The following KLHL30 variants were observed in gnomAD, a reference collection of about 807,000 sequenced individuals.
KLHL30 encodes kelch like family member 30, also known as kelch-like protein 30.
A neutral mutation model predicts 55.0 loss-of-function variants in KLHL30; 55 were observed. That is an observed-to-expected ratio of 1.00 (90% CI 0.80 to 1.25). The LOEUF is 1.25. Ranked by LOEUF, KLHL30 falls within the 50% of genes most tolerant of loss-of-function variation. KLHL30 has a pLI of 0.00. For missense variants in KLHL30, 786 were observed against 811.6 expected (o/e 0.97, Z 0.38); for synonymous variants, 356 against 372.6 (o/e 0.96, Z 0.51).
chr2:238,144,402 G>GGAAGGAAGGAAGGAAGGAAGGAAGGAAT (rs1559275849), intron 3 of KLHL30, among the ~76,000 whole-genome samples: 7 of 114,512 alleles, frequency 6.1e-5, no homozygotes, highest in East Asian at 2.7e-4. Flanking sequence ...AAGGAAGGAA[G>GGAAGGAAGGAAGGAAGGAAGGAAGGAAT]GAAGGAAGGA....
chr2:238,144,133 C>G (rs1339044676), intron 3 of KLHL30, among the ~76,000 whole-genome samples: 2 of 152,176 alleles, frequency 1.3e-5, no homozygotes. Context: ...ATTGCTCTGC[C>G]CCACGACCCT....
At position 238,140,777 on chromosome 2, in the gene KLHL30, T is replaced by C; in HGVS notation, c.23T>C (p.Leu8Pro). The stretch of plus-strand genomic sequence containing the variant: ...GTCATGGTGCGGAACGTGGATGACC[T>C]GGATTTCCACCTGCCCTCGCATGCC... The part of the protein sequence containing the change: MVRNVDD[L>P]DFHLPSHAQD... Residue 8 changes from leucine to proline, a missense_variant, in exon 2 of 8, where the codon CTG becomes CCG. Transcript: ENST00000409223. 4 of 1,554,518 alleles carry C rather than the reference T, an allele frequency of 2.6e-6. No homozygotes were observed. The highest frequency in any genetic ancestry group is 3.5e-6 in the Non-Finnish European group (4 of 1,145,470).
intron 3 of KLHL30, among the ~76,000 whole-genome samples, chr2:238,143,914 G>A (rs77347847): frequency 0.014 from 2,093 of 152,292 alleles, 34 homozygotes; most frequent in East Asian, 0.085. Context: ...CTGGAATTCC[G>A]CATCTCCCAA....
intron 1 of KLHL30, among the ~76,000 whole-genome samples, chr2:238,139,953 G>A (rs574945905): frequency 1.3e-5 from 2 of 152,344 alleles, no homozygotes; most frequent in South Asian, 2.1e-4. Context: ...GTGGTGACGC[G>A]AAACCCTCCA....
At chr2:238,143,894 C>G (rs1692585764) in intron 3 of KLHL30, among the ~76,000 whole-genome samples, 4 of 152,212 alleles carry the variant, frequency 2.6e-5, no homozygotes, top group Non-Finnish European at 5.9e-5. Context: ...GGCTCTGCTC[C>G]CAGGGAGGCC....
In KLHL30 at chr2:238,145,720, GGCC is replaced by G; in HGVS notation, c.1039_1041del (p.Ala347del). On this transcript the variant is annotated inframe_deletion, in exon 5 of 8. Transcript: ENST00000409223. ...AGACAGACACCTGGTCAACCACCCA[GGCC>G]TGGTGCTTCCCCCTGAAGGAGGCCT... The G allele has an allele frequency of 5.0e-6, 8 of 1,590,990 alleles. No homozygotes were observed. Among genetic ancestry groups the G allele is most frequent in the Non-Finnish European group, 6.8e-6 (8 of 1,170,204 alleles).
At position 238,150,849 on chromosome 2, in the gene KLHL30, G is replaced by C. The variant is rs563172825; in HGVS notation, c.1521G>C (p.Ala507=). ...AGCACAGCCTGCATGAGAATGGCGC[G>C]CTGGTGCCACTGGGTGATGCGCTGT... The part of the protein sequence containing the change: ...QSQHSLHENG[A]LVPLGDALYV... The change falls in exon 8 of 8, where the codon GCG becomes GCC. Residue 507 remains alanine, a synonymous_variant. Transcript: ENST00000409223. 3 of 1,592,466 alleles carry C rather than the reference G, an allele frequency of 1.9e-6. No individual in the cohort carries two copies. The highest frequency in any genetic ancestry group is 2.6e-6 in the Non-Finnish European group (3 of 1,171,094).
intron 3 of KLHL30, 44 bp downstream of exon 3, chr2:238,142,975 T>A: frequency 6.7e-7 from 1 of 1,489,414 alleles, no homozygotes. Context: ...TGTCTCTCTG[T>A]CCCAGCGGGA....
intron 1 of KLHL30, among the ~76,000 whole-genome samples, chr2:238,140,317 C>T (rs1056326841): frequency 5.1e-4 from 78 of 152,310 alleles, no homozygotes; most frequent in African/African-American, 1.7e-3. Flanking sequence ...GGACGGAGGA[C>T]GCCTCCCGGG....
intron 5 of KLHL30, 41 bp downstream of exon 5, chr2:238,145,873 A>T (rs1203891713): frequency 6.5e-7 from 1 of 1,536,534 alleles, no homozygotes. Context: ...GCCTGGTTCT[A>T]GCCTCTCATC....
Position 238,150,978 on chromosome 2 carries a change from C to T in KLHL30, c.1650C>T (p.Pro550=). The change falls in exon 8 of 8, where the codon CCC becomes CCT. Residue 550 remains proline (P), a synonymous_variant. Transcript: ENST00000409223. ...RDTWTRHGAL[P]RLWLYHGAST... ...CCTGGACCCGCCACGGCGCCCTGCC[C>T]CGGCTCTGGCTCTACCACGGGGCCT... is the stretch of plus-strand genomic sequence containing the variant. The T allele has an allele frequency of 6.3e-7, 1 of 1,590,610 alleles. No individual in the cohort carries two copies. Among genetic ancestry groups the T allele is most frequent in the South Asian group, 1.1e-5 (1 of 87,304 alleles).
In KLHL30 at chr2:238,151,887, G is replaced by A. The variant is rs1346621162; in HGVS notation, c.*822G>A. On this transcript the variant is annotated 3_prime_UTR_variant, in exon 8 of 8. Transcript: ENST00000409223. ...AGAATGGAATTTCCCACCAGGGGAC[G>A]ACTCTTGGGTGCATTGGTGGCAGCC... 3 of 985,470 alleles carry A rather than the reference G, an allele frequency of 3.0e-6. No homozygotes were observed. Among genetic ancestry groups the A allele is most frequent in the East Asian group, 1.1e-4 (1 of 8,818 alleles). The allele number at this position is 985,470 out of a possible 1,614,324, so 61.0% of individuals were successfully genotyped here.
At chr2:238,144,123 A>T (rs983410973) in intron 3 of KLHL30, among the ~76,000 whole-genome samples, 1 of 152,186 alleles carries the variant, frequency 6.6e-6, no homozygotes, top group African/African-American at 2.4e-5. Flanking sequence ...ACTTGGGCAC[A>T]TTGCTCTGCC....
At chr2:238,139,525 C>T (rs975658194) in intron 1 of KLHL30, among the ~76,000 whole-genome samples, 2 of 152,138 alleles carry the variant, frequency 1.3e-5, no homozygotes, top group Admixed American at 6.5e-5. Context: ...TGTGGGCTCC[C>T]AGGTGCTTCC....
intron 1 of KLHL30, among the ~76,000 whole-genome samples, chr2:238,139,537 C>T (rs138460228): frequency 3.9e-5 from 6 of 152,280 alleles, no homozygotes; most frequent in Admixed American, 6.5e-5. Flanking sequence ...GGTGCTTCCC[C>T]GCTCTGGGGT....
Position 238,140,944 on chromosome 2 carries a change from G to C in KLHL30, c.190G>C (p.Gly64Arg), listed in dbSNP as rs768961406. 1 of 1,611,676 alleles carries C rather than the reference G, an allele frequency of 6.2e-7. No homozygotes were observed. Residue 64 changes from glycine to arginine, a missense_variant, in exon 2 of 8, where the codon GGT (glycine) becomes CGT (arginine). Transcript: ENST00000409223. ...SSPYFHAMFAGDFAESFSARV... is the reference protein window; with the variant it reads ...SSPYFHAMFARDFAESFSARV... ...CCCCTACTTCCATGCCATGTTTGCG[G>C]GTGACTTCGCCGAGAGCTTCTCTGC...
Position 238,145,838 on chromosome 2 carries a change from G to A in KLHL30, c.1150+6G>A. The A allele has an allele frequency of 1.9e-6, 3 of 1,590,092 alleles. No individual in the cohort carries two copies. Among genetic ancestry groups the A allele is most frequent in the East Asian group, 2.3e-5 (1 of 44,154 alleles). On this transcript the variant is annotated splice_donor_region_variant and intron_variant, in intron 5 of 7. Coordinates refer to ENST00000409223, the MANE Select transcript of KLHL30 (RefSeq NM_198582.4). ...GGAGATCTACGTTATCGGCGGTGAG[G>A]CCTTCCTCTCCACCCTTCCCTGGGG...
intron 3 of KLHL30, among the ~76,000 whole-genome samples, chr2:238,144,410 G>GGAAGGAAGGAAT (rs1692601293): frequency 4.7e-5 from 6 of 127,404 alleles, no homozygotes; most frequent in Non-Finnish European, 1.0e-4. Flanking sequence ...AAGGAAGGAA[G>GGAAGGAAGGAAT]GAAGGAAGGA....
chr2:238,150,289 C>G (rs1241384882), intron 7 of KLHL30, among the ~76,000 whole-genome samples: 1 of 152,180 alleles, frequency 6.6e-6, no homozygotes, highest in Non-Finnish European at 1.5e-5. Context: ...CCGCTTCCCA[C>G]CCGCCCGGGC....
Sources: allele counts gnomAD v4.1 joint callset (sites outside exome capture counted in the v4.1 genomes callset), GRCh38; gene constraint gnomAD v4.1.1; transcripts MANE v1.5; gene names NCBI Gene and HGNC (gene_info 2026-07-23, HGNC 2026-07-21).